CDH13: variants seen among roughly 807,000 people sequenced by gnomAD.
CDH13 encodes cadherin 13.
CDH13 carries 24 observed loss-of-function variants against 63.8 expected under a neutral mutation model. The ratio of observed to expected loss-of-function variants is 0.38; its 90% CI spans 0.27 to 0.53. CDH13 has a LOEUF of 0.53. Among genes scored for constraint, CDH13 ranks in the 20% least tolerant of loss-of-function variants. The pLI, the probability that CDH13 is intolerant of heterozygous loss-of-function variation, is 0.85. For missense variants in CDH13, 1,049 were observed against 903.1 expected (o/e 1.16, Z -2.07); for synonymous variants, 503 against 355.3 (o/e 1.42, Z -4.67).
intron 6 of CDH13, among the ~76,000 whole-genome samples, chr16:83,420,520 C>T (rs764786621): frequency 6.6e-6 from 1 of 152,220 alleles, no homozygotes; most frequent in South Asian, 2.1e-4. Context: ...CAAGCATTCT[C>T]ATGTGATAAT....
chr16:82,935,423 T>G (rs2042637467), intron 2 of CDH13, among the ~76,000 whole-genome samples: 1 of 152,174 alleles, frequency 6.6e-6, no homozygotes, highest in Admixed American at 6.5e-5. Context: ...CCGTATGACA[T>G]GGTGAAATAG....
At chr16:82,899,233 TA>T (rs1358100304) in intron 2 of CDH13, among the ~76,000 whole-genome samples, 10 of 152,166 alleles carry the variant, frequency 6.6e-5, no homozygotes, top group Non-Finnish European at 1.5e-4. Flanking sequence ...GGAGTGTATA[TA>T]AATTACAGTA....
chr16:82,695,370 G>A (rs1567636338), intron 1 of CDH13, among the ~76,000 whole-genome samples: 2 of 152,160 alleles, frequency 1.3e-5, no homozygotes, highest in Non-Finnish European at 2.9e-5. Flanking sequence ...GGACTTGGTT[G>A]CCCAGAGGAG....
intron 2 of CDH13, among the ~76,000 whole-genome samples, chr16:82,899,239 A>T (rs2041375023): frequency 6.6e-6 from 1 of 152,182 alleles, no homozygotes; most frequent in Non-Finnish European, 1.5e-5. Flanking sequence ...TATATAAATT[A>T]CAGTAAGGGC....
chr16:82,843,636 A>T (rs573111200), intron 1 of CDH13, among the ~76,000 whole-genome samples: 1 of 152,340 alleles, frequency 6.6e-6, no homozygotes, highest in South Asian at 2.1e-4. Context: ...GGTGTGAAAA[A>T]GTAAATTACA....
intron 1 of CDH13, among the ~76,000 whole-genome samples, chr16:82,802,639 A>G (rs138203912): frequency 1.5e-4 from 23 of 152,266 alleles, no homozygotes; most frequent in African/African-American, 4.1e-4. Context: ...TTTGTCTCCA[A>G]CCGCATCTTA....
At chr16:83,038,563 G>T (rs146395286) in intron 3 of CDH13, among the ~76,000 whole-genome samples, 1 of 152,274 alleles carries the variant, frequency 6.6e-6, no homozygotes, top group African/African-American at 2.4e-5. Flanking sequence ...GTTATGTCTG[G>T]ACAGAATCAT....
chr16:83,710,095 C>G (rs1430577379), intron 10 of CDH13: 2 of 152,246 alleles, frequency 1.3e-5, no homozygotes, highest in Non-Finnish European at 2.9e-5. Flanking sequence ...CCACTGGCAT[C>G]TAGGGGGCAG....
intron 2 of CDH13, among the ~76,000 whole-genome samples, chr16:82,873,167 C>G (rs918364004): frequency 6.6e-5 from 10 of 152,128 alleles, no homozygotes; most frequent in African/African-American, 2.4e-4. Flanking sequence ...AACACTTAGG[C>G]TGAGGGAGTA....
At chr16:83,105,072 C>T (rs746932309) in intron 3 of CDH13, among the ~76,000 whole-genome samples, 1 of 152,088 alleles carries the variant, frequency 6.6e-6, no homozygotes, top group Admixed American at 6.6e-5. Flanking sequence ...CATAGGTAAA[C>T]GTGTGCCATG....
At chr16:82,817,614 G>A (rs143108655) in intron 1 of CDH13, among the ~76,000 whole-genome samples, 6,138 of 152,098 alleles carry the variant, frequency 0.04, 389 homozygotes, top group African/African-American at 0.13. Flanking sequence ...GACCAGCCTG[G>A]CCAAAATGAT....
At chr16:83,785,202 G>A (rs1450629730) in intron 13 of CDH13, among the ~76,000 whole-genome samples, 2 of 152,214 alleles carry the variant, frequency 1.3e-5, no homozygotes, top group South Asian at 2.1e-4. Context: ...CATAAACTGG[G>A]TGGCTTATAA....
intron 1 of CDH13, among the ~76,000 whole-genome samples, chr16:82,762,501 G>T (rs986829728): frequency 2.0e-5 from 3 of 152,194 alleles, no homozygotes; most frequent in Non-Finnish European, 4.4e-5. Flanking sequence ...CCCTAAGTCA[G>T]TAATTCTAAT....
intron 10 of CDH13, among the ~76,000 whole-genome samples, chr16:83,724,424 T>G (rs1345071939): frequency 1.7e-5 from 2 of 120,790 alleles, no homozygotes; most frequent in African/African-American, 2.6e-5. Context: ...CATAGGTGAG[T>G]GAGGAATGCA....
intron 5 of CDH13, among the ~76,000 whole-genome samples, chr16:83,258,451 G>C (rs1157606410): frequency 6.6e-6 from 1 of 152,134 alleles, no homozygotes; most frequent in African/African-American, 2.4e-5. Context: ...GAAATAAAAA[G>C]ATATGCCAGT....
At chr16:83,005,187 G>A (rs1032652312) in intron 2 of CDH13, among the ~76,000 whole-genome samples, 4 of 152,174 alleles carry the variant, frequency 2.6e-5, no homozygotes, top group South Asian at 4.1e-4. Flanking sequence ...CACAATTTCT[G>A]CCAGGGCTTT....
chr16:83,769,263 T>G (rs1197594889), intron 11 of CDH13, among the ~76,000 whole-genome samples: 4 of 152,106 alleles, frequency 2.6e-5, no homozygotes, highest in Admixed American at 1.3e-4. Flanking sequence ...TAAGTGTCTA[T>G]AGGAACAATG....
chr16:82,802,144 G>C (rs1306599043), intron 1 of CDH13, among the ~76,000 whole-genome samples: 1 of 152,096 alleles, frequency 6.6e-6, no homozygotes, highest in Non-Finnish European at 1.5e-5. Flanking sequence ...CTTCTAAGGG[G>C]CATAATATTC....
At position 83,061,390 on chromosome 16, in the gene CDH13, T is replaced by C. The variant is rs184722426; in HGVS notation, c.366+29172T>C. Among the ~76,000 whole-genome samples, 11 of 152,318 alleles carry C rather than the reference T, an allele frequency of 7.2e-5. No individual in the cohort carries two copies. The East Asian group carries it at 2.1e-3, about 29-fold the overall frequency. The stretch of plus-strand genomic sequence containing the variant: ...CATGTGAATTCCCAGCATCATGGTT[T>C]ATGCTAATCCTCTTTCCAAAATAGT... On this transcript the variant is annotated intron_variant, in intron 3 of 13. Transcript: ENST00000567109.
Sources: allele counts gnomAD v4.1 joint callset (sites outside exome capture counted in the v4.1 genomes callset), GRCh38; gene constraint gnomAD v4.1.1; transcripts MANE v1.5; gene names NCBI Gene and HGNC (gene_info 2026-07-23, HGNC 2026-07-21).